Variants in BIRC6 observed in about 807,000 individuals in gnomAD.
BIRC6 encodes dual E2 ubiquitin-conjugating enzyme/E3 ubiquitin-protein ligase BIRC6.
Under a neutral mutation model 503.3 loss-of-function variants are expected in BIRC6, and 98 were observed. The observed-to-expected ratio is 0.19, with a 90% CI of 0.17 to 0.23. The LOEUF (loss-of-function observed/expected upper bound fraction) is 0.23. Ranked by LOEUF, BIRC6 falls within the 10% of genes least tolerant of loss-of-function variation. The pLI, the probability that BIRC6 is intolerant of heterozygous loss-of-function variation, is 1.00. For missense variants in BIRC6, 5,360 were observed against 5,806.0 expected, an observed-to-expected ratio of 0.92 and a Z score of 2.50; for synonymous variants, 2,240 against 2,078.7, an observed-to-expected ratio of 1.08 and a Z score of -2.11.
intron 44 of BIRC6, among the ~76,000 whole-genome samples, chr2:32,492,075 G>T (rs1223540074): frequency 6.6e-6 from 1 of 151,754 alleles, no homozygotes; most frequent in Non-Finnish European, 1.5e-5. Flanking sequence ...GTAAATATTT[G>T]TACTTCATTA....
At chr2:32,397,225 C>T (rs868208708) in intron 6 of BIRC6, among the ~76,000 whole-genome samples, 3 of 151,532 alleles carry the variant, frequency 2.0e-5, no homozygotes, top group Non-Finnish European at 4.4e-5. Context: ...AATCCCAGCA[C>T]TTTGGGAGGC....
intron 10 of BIRC6, among the ~76,000 whole-genome samples, chr2:32,427,864 C>T (rs1164670317): frequency 6.6e-6 from 1 of 152,056 alleles, no homozygotes; most frequent in Non-Finnish European, 1.5e-5. Flanking sequence ...TTCGTATCTC[C>T]CTACCTTTTG....
At chr2:32,545,536 G>C (rs2057998624) in intron 62 of BIRC6, 107 bp from the exon 63 acceptor site, 4 of 892,366 alleles carry the variant, frequency 4.5e-6, no homozygotes, top group Middle Eastern at 3.4e-4. Flanking sequence ...TAATTTAGTG[G>C]TATACTTTTG....
In BIRC6 at chr2:32,543,462, G is replaced by A. The variant is rs534383874; in HGVS notation, c.12513G>A (p.Ala4171=). 130 of 1,613,968 alleles carry A rather than the reference G, an allele frequency of 8.1e-5. No individual in the cohort carries two copies. Among genetic ancestry groups the A allele is most frequent in the Non-Finnish European group, 9.7e-5 (114 of 1,179,890 alleles). The change falls in exon 62 of 74, where the codon GCG becomes GCA. Residue 4171 remains alanine (A), a synonymous_variant. Coordinates refer to ENST00000421745, the MANE Select transcript of BIRC6 (RefSeq NM_016252.4). The part of the protein sequence containing the change: ...FGLFLRLPGY[A]EVLLKERKHA... ...TATTTCTTCGTCTTCCGGGCTATGC[G>A]GAAGTGCTACTGAAAGAGAGAAAAC...
At position 32,435,503 on chromosome 2, in the gene BIRC6, C is replaced by G; in HGVS notation, c.3417C>G (p.Asn1139Lys). The change falls in exon 14 of 74, where the codon AAC (asparagine) becomes AAG (lysine). Residue 1139 changes from asparagine (N) to lysine (K), a missense_variant. Transcript: ENST00000421745. ...CCTTTCCTTTGTCTCCAGCTCTTAA[C>G]ATTGAAGTGGAACAAAATGGGAAAC... The part of the protein sequence containing the change: ...APGLGKVNAL[N>K]IEVEQNGKPS... 2.6e-6 allele frequency: 4 copies of G among 1,552,884 alleles called. No individual in the cohort carries two copies. The highest frequency in any genetic ancestry group is 1.2e-5 in the South Asian group (1 of 84,060).
chr2:32,416,721 G>C (rs1046803936), intron 10 of BIRC6, among the ~76,000 whole-genome samples: 3 of 152,028 alleles, frequency 2.0e-5, no homozygotes, highest in African/African-American at 7.2e-5. Flanking sequence ...GCACTATATA[G>C]ATTAAGATAG....
chr2:32,587,937 C>T (rs372091514), intron 66 of BIRC6, among the ~76,000 whole-genome samples: 2 of 152,114 alleles, frequency 1.3e-5, no homozygotes, highest in East Asian at 3.8e-4. Context: ...TACTAGATTA[C>T]CAAACTAAAC....
rs758364253 is a variant in BIRC6, at chr2:32,467,664, A to G, written c.5496A>G (p.Val1832=). ...AAGAGGTGGATGGAAGGCGGTTGGT[A>G]GTGGCAACTGATATAAGCACTCATT... ...LGEEVDGRRL[V]VATDISTHSL... is the part of the protein sequence containing the mutation. The change falls in exon 27 of 74, where the codon GTA becomes GTG. Residue 1832 remains valine (V), a synonymous_variant. Transcript: ENST00000421745. The G allele has an allele frequency of 6.8e-6, 11 of 1,613,808 alleles. No individual in the cohort carries two copies. The highest frequency in any genetic ancestry group is 8.5e-6 in the Non-Finnish European group (10 of 1,179,864).
intron 11 of BIRC6, among the ~76,000 whole-genome samples, 176 bp downstream of exon 11, chr2:32,429,471 A>C (rs1266272132): frequency 6.6e-6 from 1 of 152,172 alleles, no homozygotes; most frequent in Non-Finnish European, 1.5e-5. Context: ...TCAGCCATTA[A>C]TGAGCTTTTA....
intron 65 of BIRC6, among the ~76,000 whole-genome samples, chr2:32,556,055 G>A (rs1220364420): frequency 6.6e-6 from 1 of 152,020 alleles, no homozygotes; most frequent in Admixed American, 6.6e-5. Context: ...ACTTGCCTAT[G>A]TTTAATGTAT....
chr2:32,476,408 C>T (rs967418174), intron 34 of BIRC6, 64 bp downstream of exon 34: 30 of 1,467,932 alleles, frequency 2.0e-5, no homozygotes, highest in African/African-American at 4.3e-5. Context: ...TCTTTAATTA[C>T]GATCGAGAAA....
chr2:32,529,054 T>C (rs2056514831), intron 59 of BIRC6: 2 of 152,220 alleles, frequency 1.3e-5, no homozygotes, highest in Non-Finnish European at 2.9e-5. Flanking sequence ...TGTATTAAAA[T>C]GAAATTGCCA....
chr2:32,382,157 T>A (rs974908660), intron 3 of BIRC6, among the ~76,000 whole-genome samples: 8 of 152,140 alleles, frequency 5.3e-5, no homozygotes, highest in African/African-American at 1.9e-4. Flanking sequence ...GAGTAGAGAT[T>A]AGGGGTTATC....
chr2:32,368,628 G>T (rs1238672801), intron 1 of BIRC6, among the ~76,000 whole-genome samples: 1 of 152,114 alleles, frequency 6.6e-6, no homozygotes, highest in Non-Finnish European at 1.5e-5. Context: ...TTTGTTTAGT[G>T]TGTCTGGGAT....
At chr2:32,605,220 G>A (rs1334564758) in intron 71 of BIRC6, among the ~76,000 whole-genome samples, 2 of 151,806 alleles carry the variant, frequency 1.3e-5, no homozygotes, top group African/African-American at 2.4e-5. Flanking sequence ...CTCCTCCCAC[G>A]TTTCACCATC....
chr2:32,516,971 T>G (rs2055119001), intron 55 of BIRC6, among the ~76,000 whole-genome samples: 1 of 152,134 alleles, frequency 6.6e-6, no homozygotes, highest in Non-Finnish European at 1.5e-5. Context: ...CAAGTCAAAC[T>G]TTAGTAGTAC....
In BIRC6 at chr2:32,357,525, A is replaced by T; in HGVS notation, c.325+39A>T. 6.5e-7 allele frequency: 1 copy of T among 1,531,974 alleles called. No individual in the cohort carries two copies. Among genetic ancestry groups the T allele is most frequent in the South Asian group, 1.2e-5 (1 of 82,244 alleles). The allele number at this position is 1,531,974 out of a possible 1,614,324, so 94.9% of individuals were successfully genotyped here. A position where few individuals can be genotyped will look rare whatever the true frequency, so the allele number is the denominator to read the frequency against. ...ACGCCGGGCGGGCGCGAAGCCGGGG[A>T]AAGAAGCCGTCCAGCCCCGGGGCTC... On this transcript the variant is annotated intron_variant, in intron 1 of 73. Transcript: ENST00000421745. This position sits in a 1 kb window ranked among gnomAD's most constrained non-coding sequence, Gnocchi z 4.9.
At chr2:32,551,708 T>A (rs1332304868) in intron 65 of BIRC6, among the ~76,000 whole-genome samples, 3 of 152,220 alleles carry the variant, frequency 2.0e-5, no homozygotes, top group Non-Finnish European at 4.4e-5. Context: ...TATATAGTAT[T>A]ATTTTTGGCA....
intron 54 of BIRC6, among the ~76,000 whole-genome samples, chr2:32,513,927 C>T (rs373455196): frequency 4.6e-5 from 7 of 151,778 alleles, no homozygotes; most frequent in African/African-American, 1.7e-4. Context: ...AAAAGTCAGC[C>T]GGACACGGTG....
Sources: allele counts gnomAD v4.1 joint callset (sites outside exome capture counted in the v4.1 genomes callset), GRCh38; gene constraint gnomAD v4.1.1; non-coding constraint Gnocchi (gnomAD v3.1); transcripts MANE v1.5; gene names NCBI Gene and HGNC (gene_info 2026-07-23, HGNC 2026-07-21).